The following CMPK1 variants were observed in gnomAD, a reference collection of about 807,000 sequenced individuals.
CMPK1 encodes the protein UMP-CMP kinase.
CMPK1 carries 10 observed loss-of-function variants against 25.7 expected under a neutral mutation model. That is an observed-to-expected ratio of 0.39 (90% confidence interval 0.24 to 0.66). CMPK1 has a LOEUF of 0.66. Ranked by LOEUF, CMPK1 falls within the 30% of genes least tolerant of loss-of-function variation. The pLI, the probability that CMPK1 is intolerant of heterozygous loss-of-function variation, is 0.48. For missense variants in CMPK1, 199 were observed against 280.5 expected (o/e 0.71, Z 2.08); for synonymous variants, 106 against 101.5 (o/e 1.04, Z -0.27).
chr1:47,374,163 T>C (rs1332476978), intron 3 of CMPK1, among the ~76,000 whole-genome samples: 3 of 152,152 alleles, frequency 2.0e-5, no homozygotes, highest in African/African-American at 7.2e-5. Flanking sequence ...GTTCAAGCAG[T>C]TCTCCTGCCT....
chr1:47,357,205 T>C (rs181221854), intron 1 of CMPK1, among the ~76,000 whole-genome samples: 41 of 151,798 alleles, frequency 2.7e-4, no homozygotes, highest in African/African-American at 9.4e-4. Flanking sequence ...CCTGGTGATC[T>C]GCCTGCCTCG....
chr1:47,335,508 G>A lies in CMPK1; in HGVS notation c.171+1392G>A, dbSNP rs192923181. Among the ~76,000 whole-genome samples the A allele has an allele frequency of 7.4e-3, 1,128 of 151,806 alleles. 15 individuals are homozygous for A. Among genetic ancestry groups the A allele is most frequent in the African/African-American group, 0.025 (1,055 of 41,436 alleles). On this transcript the variant is annotated intron_variant, in intron 1 of 5. Transcript: ENST00000371873. ...AAAAATTAGCCTGGCGTGGTGGCGG[G>A]CGCCTGTAATCCCAGCTACTCCGAA...
At chr1:47,349,919 C>A (rs547704483) in intron 1 of CMPK1, among the ~76,000 whole-genome samples, 61 of 152,202 alleles carry the variant, frequency 4.0e-4, no homozygotes, top group Admixed American at 1.6e-3. Context: ...ATTCTCCTGT[C>A]TCAGCTTCCT....
chr1:47,337,631 T>C (rs1481996432), intron 1 of CMPK1, among the ~76,000 whole-genome samples: 1 of 141,400 alleles, frequency 7.1e-6, no homozygotes, highest in Non-Finnish European at 1.6e-5. Context: ...TTTTTTTTTT[T>C]GAGACGAAGT....
chr1:47,358,102 G>GTGTTT (rs1403234106), intron 1 of CMPK1, among the ~76,000 whole-genome samples: 1 of 69,156 alleles, frequency 1.4e-5, no homozygotes, highest in African/African-American at 6.2e-5. Context: ...GTCATAGTAG[G>GTGTTT]TCTTTTTTTT....
rs1250506020 is a variant in CMPK1 at position 47,333,987 on chromosome 1, C to A, written c.42C>A (p.Gly14=). ...GCAGCGGGCTGCTCCACGTCCTGGGCCTTAGCTTCCTGCTGCAGACCCGCC... is the reference window on the plus strand; with the variant it reads ...GCAGCGGGCTGCTCCACGTCCTGGGACTTAGCTTCCTGCTGCAGACCCGCC... ...RCRSGLLHVL[G]LSFLLQTRRP... is the part of the protein sequence containing the mutation. The change falls in exon 1 of 6, where the codon GGC becomes GGA. Residue 14 remains glycine (G), a synonymous_variant. Coordinates refer to ENST00000371873, the MANE Select transcript of CMPK1 (RefSeq NM_016308.3). 1.3e-6 allele frequency: 2 copies of A among 1,538,708 alleles called. No homozygotes were observed. Among genetic ancestry groups the A allele is most frequent in the Non-Finnish European group, 8.8e-7 (1 of 1,141,932 alleles).
chr1:47,372,052 C>G (rs1646680489), intron 2 of CMPK1, among the ~76,000 whole-genome samples: 1 of 151,624 alleles, frequency 6.6e-6, no homozygotes, highest in African/African-American at 2.4e-5. Context: ...TTCTGTTAGT[C>G]TCTTCTCTGT....
intron 1 of CMPK1, among the ~76,000 whole-genome samples, chr1:47,335,353 AT>A (rs1646388861): frequency 6.6e-6 from 1 of 152,142 alleles, no homozygotes; most frequent in Non-Finnish European, 1.5e-5. Flanking sequence ...AATATTGATC[AT>A]TTTGCCAGGC....
At chr1:47,347,030 G>A (rs192318207) in intron 1 of CMPK1, among the ~76,000 whole-genome samples, 119 of 151,924 alleles carry the variant, frequency 7.8e-4, no homozygotes, top group Non-Finnish European at 1.5e-3. Context: ...TGATCCACCC[G>A]CCTCGGCCTC....
chr1:47,368,136 A>T (rs563691276), intron 1 of CMPK1, among the ~76,000 whole-genome samples: 1 of 151,974 alleles, frequency 6.6e-6, no homozygotes, highest in South Asian at 2.1e-4. Context: ...TTTTAGAGAG[A>T]TGGGGTTTCA....
intron 1 of CMPK1, among the ~76,000 whole-genome samples, chr1:47,338,967 T>G (rs1474785780): frequency 1.3e-5 from 2 of 152,302 alleles, no homozygotes; most frequent in Middle Eastern, 3.4e-3. Context: ...TTTTAAAGAT[T>G]GTGAACATTT....
chr1:47,376,669 G>A (rs1435991417), intron 5 of CMPK1, 35 bp from the exon 6 acceptor site: 5 of 1,429,282 alleles, frequency 3.5e-6, no homozygotes, highest in East Asian at 4.6e-5. Flanking sequence ...AACAGTACCT[G>A]CTTTTAAAAT....
At chr1:47,350,426 T>A (rs1426985017) in intron 1 of CMPK1, among the ~76,000 whole-genome samples, 1 of 151,944 alleles carries the variant, frequency 6.6e-6, no homozygotes. Flanking sequence ...GAGGGGGTGT[T>A]GTTTTGGTAG....
chr1:47,359,372 A>C (rs1646585544), intron 1 of CMPK1, among the ~76,000 whole-genome samples: 1 of 142,146 alleles, frequency 7.0e-6, no homozygotes, highest in African/African-American at 2.6e-5. Context: ...AGTGGTTGTT[A>C]AGAAACCTTT....
intron 1 of CMPK1, among the ~76,000 whole-genome samples, chr1:47,335,737 TGTTG>T (rs1348907326): frequency 1.3e-5 from 2 of 152,032 alleles, no homozygotes; most frequent in African/African-American, 2.4e-5. Context: ...AATTTTTTTT[TGTTG>T]GTTCTCTTTC....
At chr1:47,371,994 A>T (rs906561503) in intron 2 of CMPK1, among the ~76,000 whole-genome samples, 1 of 152,034 alleles carries the variant, frequency 6.6e-6, no homozygotes, top group Non-Finnish European at 1.5e-5. Context: ...CACTTTCCCA[A>T]ATCCATTCAG....
At chr1:47,362,593 C>T (rs1190957909) in intron 1 of CMPK1, among the ~76,000 whole-genome samples, 7 of 152,226 alleles carry the variant, frequency 4.6e-5, no homozygotes, top group African/African-American at 1.7e-4. Flanking sequence ...GCTGGGATTA[C>T]AGGCACATGC....
chr1:47,341,788 A>G (rs1440822946), intron 1 of CMPK1, among the ~76,000 whole-genome samples: 9 of 149,000 alleles, frequency 6.0e-5, no homozygotes, highest in African/African-American at 2.0e-4. Flanking sequence ...ACGCCCAGCT[A>G]ATTTTTTAGT....
intron 1 of CMPK1, among the ~76,000 whole-genome samples, chr1:47,355,647 C>G (rs1056260998): frequency 1.3e-5 from 2 of 151,000 alleles, no homozygotes; most frequent in African/African-American, 4.9e-5. Flanking sequence ...CGCTCTGTTG[C>G]CCAGGCTGGA....
Sources: allele counts gnomAD v4.1 joint callset (sites outside exome capture counted in the v4.1 genomes callset), GRCh38; gene constraint gnomAD v4.1.1; transcripts MANE v1.5; gene names NCBI Gene and HGNC (gene_info 2026-07-23, HGNC 2026-07-21).